The following BRWD1 variants were observed in gnomAD, a reference collection of about 807,000 sequenced individuals.
The protein encoded by BRWD1 is bromodomain and WD repeat domain containing 1, also known as bromodomain and WD repeat-containing protein 1.
BRWD1 carries 82 observed loss-of-function variants against 251.2 expected under a neutral mutation model. The ratio of observed to expected loss-of-function variants is 0.33; its 90% CI spans 0.27 to 0.39. The LOEUF (loss-of-function observed/expected upper bound fraction) is 0.39. Among genes scored for constraint, BRWD1 ranks in the 10% least tolerant of loss-of-function variants. BRWD1 has a pLI of 1.00. For synonymous variants in BRWD1, 918 were observed against 902.8 expected (o/e 1.02, Z -0.30); for missense variants, 2,233 against 2,711.6 (o/e 0.82, Z 3.92).
chr21:39,207,319 C>T (rs1328585920), intron 36 of BRWD1, among the ~76,000 whole-genome samples: 2 of 151,886 alleles, frequency 1.3e-5, no homozygotes, highest in Non-Finnish European at 2.9e-5. Context: ...CCTGTAGTCC[C>T]AGCTACCCGG....
In BRWD1 at chr21:39,313,281, G is replaced by A; in HGVS notation, c.68C>T (p.Ala23Val). The A allele has an allele frequency of 6.4e-7, 1 of 1,560,348 alleles. No homozygotes were observed. The highest frequency in any genetic ancestry group is 8.7e-7 in the Non-Finnish European group (1 of 1,147,902). The change falls in exon 2 of 41, where the codon GCC becomes GTC. Residue 23 changes from alanine to valine, a missense_variant. By Grantham distance (64) the Ala-to-Val change is moderately conservative (BLOSUM62 0). Coordinates refer to ENST00000342449, the MANE Select transcript of BRWD1 (RefSeq NM_033656.4). ...ACACGGGCCCGCCGATAGGTACCGG[G>A]CGATAAGGAAGTACAGCTCTGCGGG... ...LIESELYFLI[A>V]RYLSAGPCRR...
chr21:39,196,448 TTG>T lies in BRWD1; in HGVS notation c.6619_6620del (p.Gln2207LysfsTer5). The T allele has an allele frequency of 6.2e-7, 1 of 1,613,564 alleles. No homozygotes were observed. The highest frequency in any genetic ancestry group is 8.5e-7 in the Non-Finnish European group (1 of 1,179,726). On this transcript the variant is annotated frameshift_variant, in exon 41 of 41. Coordinates refer to ENST00000342449, the MANE Select transcript of BRWD1 (RefSeq NM_033656.4). LOFTEE classifies it high-confidence loss of function. ...CCACACTTAACCTAGGGCGTTTGCTTTGTCTTTGACGTCTCACAGTTTTAGAT... is the reference window on the plus strand; with the variant it reads ...CCACACTTAACCTAGGGCGTTTGCTTTCTTTGACGTCTCACAGTTTTAGAT... ...NISKTVRRQR[Q>X]SKRPRLSVDD...
intron 21 of BRWD1, among the ~76,000 whole-genome samples, chr21:39,244,210 G>A (rs971464801): frequency 2.0e-5 from 3 of 151,924 alleles, no homozygotes; most frequent in African/African-American, 4.8e-5. Context: ...GACTACAGGT[G>A]CCCACCACCA....
chr21:39,218,688 G>A (rs764592294), intron 29 of BRWD1, 28 bp from the exon 30 acceptor site: 13 of 1,519,024 alleles, frequency 8.6e-6, no homozygotes, highest in South Asian at 5.2e-5. Context: ...AACAATGAGA[G>A]GAAGAAAAAA....
chr21:39,310,988 G>A (rs570350650), intron 4 of BRWD1, among the ~76,000 whole-genome samples: 15 of 152,128 alleles, frequency 9.9e-5, no homozygotes, highest in Admixed American at 6.5e-5. Flanking sequence ...CTGGAGGGCA[G>A]AGAGGAAGGT....
rs778979350 is a variant in BRWD1, at chr21:39,313,283, G to A, written c.66C>T (p.Ile22=). Residue 22 remains isoleucine, a synonymous_variant, in exon 2 of 41, where the codon ATC becomes ATT. Transcript: ENST00000342449. ...PLIESELYFL[I]ARYLSAGPCR... ...ACGGGCCCGCCGATAGGTACCGGGC[G>A]ATAAGGAAGTACAGCTCTGCGGGAA... The A allele has an allele frequency of 1.4e-5, 22 of 1,559,844 alleles. No homozygotes were observed. In the East Asian group the frequency reaches 1.9e-4, roughly 14 times the overall value.
At chr21:39,203,059 C>A (rs747384648) in intron 37 of BRWD1, among the ~76,000 whole-genome samples, 1 of 152,222 alleles carries the variant, frequency 6.6e-6, no homozygotes, top group Non-Finnish European at 1.5e-5. Flanking sequence ...CACCCATTCA[C>A]CATGGTTGGC....
chr21:39,255,750 C>A lies in BRWD1; in HGVS notation c.2150G>T (p.Arg717Leu). 6.2e-7 allele frequency: 1 copy of A among 1,614,120 alleles called. No homozygotes were observed. ...GCGTGGAGCGTTTTGATGCATCTGACGAACACCTTCAACTTGTCCACTACG... is the reference window on the plus strand; with the variant it reads ...GCGTGGAGCGTTTTGATGCATCTGAAGAACACCTTCAACTTGTCCACTACG... Reference protein sequence around the residue: ...LRRSGQVEGVRQMHQNAPRSQ... With the variant: ...LRRSGQVEGVLQMHQNAPRSQ... The change falls in exon 19 of 41, where the codon CGT (arginine) becomes CTT (leucine). Residue 717 changes from arginine to leucine, a missense_variant. Physicochemically the swap from Arg to Leu is moderately radical, Grantham distance 102 (BLOSUM62 -2). Transcript: ENST00000342449.
chr21:39,192,311 A>C lies in BRWD1; in HGVS notation c.*3948T>G, dbSNP rs937158421. 3.0e-6 allele frequency: 3 copies of C among 985,294 alleles called. No individual in the cohort carries two copies. Among genetic ancestry groups the C allele is most frequent in the Non-Finnish European group, 2.4e-6 (2 of 829,826 alleles). 61.0% of individuals were successfully genotyped at this position (985,294 alleles called of 1,614,324 possible). ...TTTGAGCTAGGAATTAACATTTGCT[A>C]ATCTAGTTGGACTCAGTTTTTCCCA... On this transcript the variant is annotated 3_prime_UTR_variant, in exon 41 of 41. Transcript: ENST00000342449.
intron 21 of BRWD1, among the ~76,000 whole-genome samples, chr21:39,245,891 C>T (rs1316400480): frequency 2.6e-5 from 4 of 152,070 alleles, no homozygotes; most frequent in Non-Finnish European, 4.4e-5. Flanking sequence ...CATGAGCCAC[C>T]GTGCCCGGCC....
intron 27 of BRWD1, among the ~76,000 whole-genome samples, chr21:39,226,233 G>A (rs1261755628): frequency 6.6e-6 from 1 of 152,066 alleles, no homozygotes; most frequent in African/African-American, 2.4e-5. Flanking sequence ...TGATCACCCT[G>A]GTAATCTTAT....
At chr21:39,197,543 CA>C (rs2031886142) in intron 40 of BRWD1, 128 bp from the exon 41 acceptor site, 2 of 702,670 alleles carry the variant, frequency 2.8e-6, no homozygotes, top group Middle Eastern at 4.0e-4. Context: ...GAATGGTACA[CA>C]CCTATTAGTA....
At chr21:39,245,047 C>CA (rs975336644) in intron 21 of BRWD1, among the ~76,000 whole-genome samples, 177 of 143,484 alleles carry the variant, frequency 1.2e-3, no homozygotes, top group Middle Eastern at 3.5e-3. Context: ...GACCCCATCT[C>CA]AAAAAAAAAA....
chr21:39,304,347 A>T (rs2036216943), intron 4 of BRWD1, among the ~76,000 whole-genome samples: 1 of 152,176 alleles, frequency 6.6e-6, no homozygotes, highest in Non-Finnish European at 1.5e-5. Flanking sequence ...ACAGTGGCTC[A>T]CACCTATAAT....
At position 39,187,559 on chromosome 21, in the gene BRWD1, T is replaced by A; in HGVS notation, c.*8700A>T. 1.4e-6 allele frequency: 2 copies of A among 1,393,228 alleles called. No homozygotes were observed. Among genetic ancestry groups the A allele is most frequent in the South Asian group, 3.5e-5 (2 of 57,260 alleles). The allele number at this position is 1,393,228 out of a possible 1,614,324, so 86.3% of individuals were successfully genotyped here. On this transcript the variant is annotated 3_prime_UTR_variant, in exon 41 of 41. Transcript: ENST00000342449. The stretch of plus-strand genomic sequence containing the variant: ...CTAAATGATAAATTTTAAAATGTGA[T>A]ACTAAGGGCTTCTTCACATTGATAT...
At chr21:39,259,543 C>T (rs546015037) in intron 17 of BRWD1, among the ~76,000 whole-genome samples, 1 of 152,260 alleles carries the variant, frequency 6.6e-6, no homozygotes, top group African/African-American at 2.4e-5. Flanking sequence ...CATGATCCAC[C>T]CACCTCGACC....
chr21:39,311,536 G>T (rs1056761666), intron 4 of BRWD1, among the ~76,000 whole-genome samples: 1 of 152,110 alleles, frequency 6.6e-6, no homozygotes, highest in Non-Finnish European at 1.5e-5. Flanking sequence ...CAGGTAGCAC[G>T]ACAACAGCGT....
In BRWD1 at chr21:39,189,978, A is replaced by G; in HGVS notation, c.*6281T>C. 1 of 985,396 alleles carries G rather than the reference A, an allele frequency of 1.0e-6. No individual in the cohort carries two copies. 61.0% of individuals were successfully genotyped at this position (985,396 alleles called of 1,614,324 possible). ...GGTTTACAAAGTCATTGAGTGCTTG[A>G]GGACTTGTTTTCCTGGAAGTGATTC... On this transcript the variant is annotated 3_prime_UTR_variant, in exon 41 of 41. Coordinates refer to ENST00000342449, the MANE Select transcript of BRWD1 (RefSeq NM_033656.4).
At chr21:39,320,361 G>A (rs1049207729) in intron 1 of BRWD1, among the ~76,000 whole-genome samples, 4 of 152,048 alleles carry the variant, frequency 2.6e-5, no homozygotes, top group South Asian at 2.1e-4. Context: ...TTGAAACAGT[G>A]TCTCAGTCTG....
Sources: allele counts gnomAD v4.1 joint callset (sites outside exome capture counted in the v4.1 genomes callset), GRCh38; gene constraint gnomAD v4.1.1; transcripts MANE v1.5; gene names NCBI Gene and HGNC (gene_info 2026-07-23, HGNC 2026-07-21).